Variants in KLF12 observed in about 807,000 individuals in gnomAD.
KLF12 encodes Krueppel-like factor 12.
In KLF12, 9 loss-of-function variants were observed where a neutral mutation model predicts 37.8. The observed-to-expected ratio is 0.24, with a 90% CI of 0.14 to 0.42. The LOEUF (loss-of-function observed/expected upper bound fraction) is 0.42. Ranked by LOEUF, KLF12 falls within the 10% of genes least tolerant of loss-of-function variation. The pLI, the probability that KLF12 is intolerant of heterozygous loss-of-function variation, is 1.00. For missense variants in KLF12, 411 were observed against 516.0 expected, an observed-to-expected ratio of 0.80 and a Z score of 1.97; for synonymous variants, 208 against 202.1, an observed-to-expected ratio of 1.03 and a Z score of -0.25.
Position 73,996,117 on chromosome 13 carries a change from A to G in KLF12, c.-31-1064T>C, listed in dbSNP as rs76685827. Among the ~76,000 whole-genome samples, 1,512 of 152,316 alleles carry G rather than the reference A, an allele frequency of 9.9e-3. 27 individuals carry two copies. The highest frequency in any genetic ancestry group is 0.034 in the African/African-American group (1,419 of 41,560). On this transcript the variant is annotated intron_variant, in intron 1 of 7. Transcript: ENST00000377669. Reference sequence around the variant, plus strand: ...GCTCCATAGGCTTGACCAGTGAAGGAAACTGGCCTTTAATTTTATTCCAGT... The same window carrying G: ...GCTCCATAGGCTTGACCAGTGAAGGGAACTGGCCTTTAATTTTATTCCAGT...
intron 3 of KLF12, among the ~76,000 whole-genome samples, chr13:73,916,826 A>G (rs748178597): frequency 6.6e-6 from 1 of 152,206 alleles, no homozygotes; most frequent in Non-Finnish European, 1.5e-5. Flanking sequence ...AGGAATTGGG[A>G]TGTCTGCATC....
chr13:74,185,157 T>G, the KLF12 span, among the ~76,000 whole-genome samples: 2 of 152,248 alleles, frequency 1.3e-5, no homozygotes, highest in East Asian at 1.9e-4. Context: ...ATTGTTAATA[T>G]GTATGCCAAT....
chr13:73,792,691 C>T (rs1026148429), intron 5 of KLF12, among the ~76,000 whole-genome samples: 1 of 152,108 alleles, frequency 6.6e-6, no homozygotes, highest in Admixed American at 6.5e-5. Context: ...CTGAGCTGTA[C>T]ACTTAAGATC....
intron 3 of KLF12, 95 bp downstream of exon 3, chr13:73,943,886 A>G: frequency 4.0e-6 from 3 of 751,010 alleles, no homozygotes; most frequent in Non-Finnish European, 6.8e-6. Flanking sequence ...TAAGCAAGGG[A>G]AACCGTAGAA....
the KLF12 span, among the ~76,000 whole-genome samples, chr13:74,207,622 C>T: frequency 3.9e-5 from 6 of 152,096 alleles, no homozygotes; most frequent in Non-Finnish European, 8.8e-5. Context: ...TTGCAGTGAG[C>T]CAAGATCTCC....
the KLF12 span, among the ~76,000 whole-genome samples, chr13:74,275,856 TTCTTTC>T: frequency 1.0e-5 from 1 of 97,300 alleles, no homozygotes; most frequent in Admixed American, 1.2e-4. Flanking sequence ...CTTTCTTTCT[TTCTTTC>T]TTTCTATCTT....
rs149634232 is a variant in KLF12 at position 74,044,019 on chromosome 13, A to G, written c.-31-48966T>C. 2.4e-3 allele frequency among the ~76,000 whole-genome samples: 369 copies of G among 152,376 alleles called. 3 individuals are homozygous for G. Among genetic ancestry groups the G allele is most frequent in the African/African-American group, 7.9e-3 (327 of 41,596 alleles). The stretch of plus-strand genomic sequence containing the variant: ...AAAAACAAAAAGAATGATATGGTCA[A>G]TAAATAATTTCTCCAGTCAGAATAT... On this transcript the variant is annotated intron_variant, in intron 1 of 7. Coordinates refer to ENST00000377669, the MANE Select transcript of KLF12 (RefSeq NM_007249.5).
At chr13:73,702,438 T>C (rs994605996) in intron 7 of KLF12, among the ~76,000 whole-genome samples, 5 of 152,198 alleles carry the variant, frequency 3.3e-5, no homozygotes, top group African/African-American at 1.2e-4. Context: ...GAAAGGTACA[T>C]GTGTACTGAG....
chr13:74,098,610 T>A (rs1242634859), intron 1 of KLF12, among the ~76,000 whole-genome samples: 1 of 152,196 alleles, frequency 6.6e-6, no homozygotes, highest in Non-Finnish European at 1.5e-5. Flanking sequence ...ATATGTATAT[T>A]GAATATTGAA....
At chr13:74,268,155 AC>A in the KLF12 span, among the ~76,000 whole-genome samples, 9 of 58,644 alleles carry the variant, frequency 1.5e-4, no homozygotes, top group Non-Finnish European at 3.4e-5. Flanking sequence ...GGACAAATAT[AC>A]TAAGGAGAGA....
At chr13:73,987,642 T>G (rs1484282996) in intron 2 of KLF12, among the ~76,000 whole-genome samples, 94 of 99,538 alleles carry the variant, frequency 9.4e-4, no homozygotes, top group African/African-American at 1.7e-3. Flanking sequence ...AGAGAGAAAG[T>G]GGGGGGAGAG....
chr13:73,735,957 C>T (rs7981395), intron 6 of KLF12, among the ~76,000 whole-genome samples: 52,581 of 146,418 alleles, frequency 0.36, 9,983 homozygotes, highest in African/African-American at 0.51. Context: ...CTTTCTTTTT[C>T]TTTTTTTTTT....
chr13:74,186,714 C>T, the KLF12 span, among the ~76,000 whole-genome samples: 2 of 152,160 alleles, frequency 1.3e-5, no homozygotes, highest in Non-Finnish European at 2.9e-5. Flanking sequence ...ATTTTACCTA[C>T]ATTTAAAAAA....
At chr13:73,998,412 C>T (rs1329944083) in intron 1 of KLF12, among the ~76,000 whole-genome samples, 5 of 152,128 alleles carry the variant, frequency 3.3e-5, no homozygotes, top group African/African-American at 1.2e-4. Context: ...TCTAACTAGC[C>T]AGGGATTCCA....
At chr13:73,873,776 G>A (rs1283060109) in intron 3 of KLF12, among the ~76,000 whole-genome samples, 1 of 152,054 alleles carries the variant, frequency 6.6e-6, no homozygotes, top group African/African-American at 2.4e-5. Context: ...AAAAGAAAAT[G>A]TCAAGCTACA....
At chr13:73,840,867 C>T (rs1465752683) in intron 4 of KLF12, among the ~76,000 whole-genome samples, 4 of 152,104 alleles carry the variant, frequency 2.6e-5, no homozygotes, top group Non-Finnish European at 5.9e-5. Flanking sequence ...CACCAGCCTC[C>T]TAGCAGCTCC....
rs1406309719 is a variant in KLF12, at chr13:74,085,255, C to T, written c.-32+48484G>A. On this transcript the variant is annotated intron_variant, in intron 1 of 7. Transcript: ENST00000377669. ...GTGTTTTCATGAACATATGCAAAAA[C>T]GGGGATACCTCATCACCTGCCCCAA... 9.2e-5 allele frequency among the ~76,000 whole-genome samples: 14 copies of T among 152,238 alleles called. No homozygotes were observed. In the East Asian group the frequency reaches 9.6e-4, roughly 10 times the overall value.
chr13:74,188,345 A>G, the KLF12 span, among the ~76,000 whole-genome samples: 2 of 152,196 alleles, frequency 1.3e-5, no homozygotes, highest in African/African-American at 4.8e-5. Flanking sequence ...TAGGCTGTAC[A>G]ATAGAAAATT....
Position 73,709,301 on chromosome 13 carries a change from T to A in KLF12, c.1027+6067A>T, listed in dbSNP as rs1240076123. Reference sequence around the variant, plus strand: ...GAAGCATTAAAGGCAAAATTAACTTTCTCAAAGCAAGTTTCTCACTGATAC... The same window carrying A: ...GAAGCATTAAAGGCAAAATTAACTTACTCAAAGCAAGTTTCTCACTGATAC... On this transcript the variant is annotated intron_variant, in intron 7 of 7. Transcript: ENST00000377669. Among the ~76,000 whole-genome samples the A allele has an allele frequency of 6.6e-5, 10 of 152,262 alleles. 1 individual carries two copies. The East Asian group carries it at 1.9e-3, about 29-fold the overall frequency.
Sources: gnomAD v4.1 joint callset for allele counts (sites outside exome capture counted in the v4.1 genomes callset) on GRCh38, gnomAD v4.1.1 for gene constraint, MANE v1.5 for transcripts, NCBI Gene and HGNC (gene_info 2026-07-23, HGNC 2026-07-21) for gene names.